FHIT: variants seen among roughly 807,000 people sequenced by gnomAD.
FHIT encodes bis(5'-adenosyl)-triphosphatase.
In FHIT, 19 loss-of-function variants were observed where a neutral mutation model predicts 17.9. The ratio of observed to expected loss-of-function variants is 1.06; its 90% confidence interval spans 0.74 to 1.56. The LOEUF is 1.56. FHIT is among the 40% of genes most tolerant of loss of function. The pLI is 0.00. For missense variants in FHIT, 248 were observed against 189.2 expected (o/e 1.31, Z -1.82); for synonymous variants, 81 against 69.7 (o/e 1.16, Z -0.81).
At chr3:60,622,237 G>A (rs530146773) in intron 4 of FHIT, among the ~76,000 whole-genome samples, 11 of 152,216 alleles carry the variant, frequency 7.2e-5, no homozygotes, top group East Asian at 3.9e-4. Flanking sequence ...CAAATTGGCC[G>A]AAAAGATCAT....
At chr3:60,892,467 C>A (rs911780167) in intron 3 of FHIT, among the ~76,000 whole-genome samples, 1 of 152,122 alleles carries the variant, frequency 6.6e-6, no homozygotes, top group Non-Finnish European at 1.5e-5. Context: ...GGGTAATTCC[C>A]TTGTCTTTTG....
chr3:60,745,662 G>A (rs1201398588), intron 4 of FHIT, among the ~76,000 whole-genome samples: 1 of 152,058 alleles, frequency 6.6e-6, no homozygotes, highest in East Asian at 1.9e-4. Flanking sequence ...ATGGTAATTT[G>A]GACTTGGATG....
At chr3:60,513,465 C>G (rs1446487510) in intron 5 of FHIT, among the ~76,000 whole-genome samples, 3 of 152,076 alleles carry the variant, frequency 2.0e-5, no homozygotes, top group Non-Finnish European at 4.4e-5. Flanking sequence ...AAGCAAAGTT[C>G]AAAACATTTA....
chr3:61,037,704 T>C (rs2033323314), intron 3 of FHIT, among the ~76,000 whole-genome samples: 1 of 152,178 alleles, frequency 6.6e-6, no homozygotes, highest in East Asian at 1.9e-4. Context: ...ATAAAACGAA[T>C]GAGTTAGGCC....
intron 5 of FHIT, among the ~76,000 whole-genome samples, chr3:60,285,893 A>T (rs998713592): frequency 6.6e-6 from 1 of 152,182 alleles, no homozygotes; most frequent in African/African-American, 2.4e-5. Flanking sequence ...TTTATGCTAG[A>T]TACATTTCAA....
At chr3:60,469,969 G>C (rs905846401) in intron 5 of FHIT, among the ~76,000 whole-genome samples, 3 of 151,924 alleles carry the variant, frequency 2.0e-5, no homozygotes, top group Admixed American at 6.6e-5. Flanking sequence ...TTACCAGGCA[G>C]AGACTCTTGT....
At chr3:60,251,619 T>C (rs981777168) in intron 5 of FHIT, among the ~76,000 whole-genome samples, 2 of 152,190 alleles carry the variant, frequency 1.3e-5, no homozygotes, top group African/African-American at 2.4e-5. Context: ...CACAATAAGA[T>C]ACACTCCATG....
chr3:60,958,951 G>A (rs782268850), intron 3 of FHIT, among the ~76,000 whole-genome samples: 2 of 152,136 alleles, frequency 1.3e-5, no homozygotes, highest in Non-Finnish European at 2.9e-5. Flanking sequence ...TAAGGACAAA[G>A]GAATAAATGA....
chr3:61,227,540 T>C (rs997138237), intron 1 of FHIT, among the ~76,000 whole-genome samples: 5 of 152,054 alleles, frequency 3.3e-5, no homozygotes, highest in African/African-American at 1.2e-4. Context: ...AGGGTATAAG[T>C]ACATGAAAAT....
chr3:61,225,930 T>C (rs565684984), intron 1 of FHIT, among the ~76,000 whole-genome samples: 63 of 152,312 alleles, frequency 4.1e-4, no homozygotes, highest in Non-Finnish European at 8.1e-4. Context: ...GATCTGATAT[T>C]CTATTTCACC....
At chr3:60,155,540 C>T (rs1487793365) in intron 5 of FHIT, among the ~76,000 whole-genome samples, 1 of 152,146 alleles carries the variant, frequency 6.6e-6, no homozygotes, top group African/African-American at 2.4e-5. Flanking sequence ...CTCTCATATC[C>T]ATGTGGGCCT....
Position 60,367,685 on chromosome 3 carries a change from A to G in FHIT, c.103+169175T>C, listed in dbSNP as rs369541953. Among the ~76,000 whole-genome samples, 4 of 152,328 alleles carry G rather than the reference A, an allele frequency of 2.6e-5. No homozygotes were observed. In the South Asian group the frequency reaches 6.2e-4, roughly 24 times the overall value. ...TCCAATTTTTAAAAACAACAAAGCA[A>G]AAGTTACATGGTATGACCTATAGAG... is the stretch of plus-strand genomic sequence containing the variant. On this transcript the variant is annotated intron_variant, in intron 5 of 9. Coordinates refer to ENST00000492590, the MANE Select transcript of FHIT (RefSeq NM_002012.4).
chr3:61,074,458 C>T (rs746962476), intron 2 of FHIT, among the ~76,000 whole-genome samples: 2 of 152,136 alleles, frequency 1.3e-5, no homozygotes, highest in Admixed American at 1.3e-4. Context: ...TTGGACCATA[C>T]AGTAATGGTT....
chr3:60,232,553 C>A (rs923627955), intron 5 of FHIT, among the ~76,000 whole-genome samples: 1 of 152,276 alleles, frequency 6.6e-6, no homozygotes. Context: ...TCCCTTCCAA[C>A]CCTCAAGACT....
intron 7 of FHIT, among the ~76,000 whole-genome samples, chr3:59,938,805 C>T (rs1051771993): frequency 6.6e-6 from 1 of 152,138 alleles, no homozygotes; most frequent in Non-Finnish European, 1.5e-5. Context: ...CACCCCCTAA[C>T]TAACTCCCCA....
At chr3:60,199,293 C>A (rs993675284) in intron 5 of FHIT, among the ~76,000 whole-genome samples, 18 of 152,144 alleles carry the variant, frequency 1.2e-4, no homozygotes, top group Non-Finnish European at 1.8e-4. Context: ...AACTGTCATA[C>A]TATATGTGAT....
intron 4 of FHIT, chr3:60,730,400 T>C (rs1482480559): frequency 1.3e-5 from 3 of 239,406 alleles, no homozygotes; most frequent in East Asian, 2.2e-4. Flanking sequence ...GTTCCATCCA[T>C]GTGAGCAGAA....
chr3:60,172,608 A>G (rs988525561), intron 5 of FHIT, among the ~76,000 whole-genome samples: 9 of 152,142 alleles, frequency 5.9e-5, no homozygotes, highest in Non-Finnish European at 8.8e-5. Flanking sequence ...AGAGAAAGAA[A>G]GACGTGGGAT....
intron 8 of FHIT, among the ~76,000 whole-genome samples, chr3:59,857,941 G>A (rs953854628): frequency 6.6e-6 from 1 of 152,094 alleles, no homozygotes; most frequent in Non-Finnish European, 1.5e-5. Flanking sequence ...GGCGCCACCT[G>A]CTGGTCCCCT....
Sources: allele counts gnomAD v4.1 joint callset (sites outside exome capture counted in the v4.1 genomes callset), GRCh38; gene constraint gnomAD v4.1.1; transcripts MANE v1.5; gene names NCBI Gene and HGNC (gene_info 2026-07-23, HGNC 2026-07-21).